The following SLC9C2 variants were observed in gnomAD, a reference collection of about 807,000 sequenced individuals.
SLC9C2 encodes the protein solute carrier family 9 member C2 (putative), also known as sodium/hydrogen exchanger 11.
In SLC9C2, 75 loss-of-function variants were observed where a neutral mutation model predicts 140.2. The ratio of observed to expected loss-of-function variants is 0.53; its 90% confidence interval spans 0.44 to 0.65. The LOEUF is 0.65. Ranked by LOEUF, SLC9C2 falls within the 30% of genes least tolerant of loss-of-function variation. The pLI, the probability that SLC9C2 is intolerant of heterozygous loss-of-function variation, is 0.00. For missense variants in SLC9C2, 1,074 were observed against 1,331.8 expected (o/e 0.81, Z 3.01); for synonymous variants, 375 against 420.9 (o/e 0.89, Z 1.34).
chr1:173,521,004 A>G (rs1457052330), intron 22 of SLC9C2, among the ~76,000 whole-genome samples: 1 of 152,168 alleles, frequency 6.6e-6, no homozygotes, highest in Non-Finnish European at 1.5e-5. Context: ...TATTTCCTTT[A>G]GGTGAGTAAT....
intron 11 of SLC9C2, among the ~76,000 whole-genome samples, chr1:173,553,440 G>A (rs1663458929): frequency 6.6e-6 from 1 of 152,208 alleles, no homozygotes; most frequent in Admixed American, 6.5e-5. Context: ...GAAAGGAAGA[G>A]TCAGTTGATG....
At chr1:173,559,511 A>G (rs1663952090) in intron 9 of SLC9C2, among the ~76,000 whole-genome samples, 1 of 152,192 alleles carries the variant, frequency 6.6e-6, no homozygotes, top group Non-Finnish European at 1.5e-5. Flanking sequence ...TCCTCTGCCA[A>G]CTAAATGACC....
At chr1:173,561,963 T>G (rs1186564247) in intron 9 of SLC9C2, among the ~76,000 whole-genome samples, 1 of 152,140 alleles carries the variant, frequency 6.6e-6, no homozygotes, top group African/African-American at 2.4e-5. Flanking sequence ...CCTGATTATA[T>G]GTAAACTAAA....
chr1:173,535,954 CAG>C lies in SLC9C2; in HGVS notation c.1656-7_1656-6del, dbSNP rs1661923195. 6.7e-7 allele frequency: 1 copy of C among 1,495,706 alleles called. No homozygotes were observed. The allele number at this position is 1,495,706 out of a possible 1,614,324, so 92.7% of individuals were successfully genotyped here. A position where few individuals can be genotyped will look rare whatever the true frequency, so the allele number is the denominator to read the frequency against. Reference sequence around the variant, plus strand: ...ACATCATAAATACTCATGAATCTAACAGAGAAAAATGTACATATGTGTTATAA... The same window carrying C: ...ACATCATAAATACTCATGAATCTAACAGAAAAATGTACATATGTGTTATAA... On this transcript the variant is annotated splice_region_variant and splice_polypyrimidine_tract_variant and intron_variant, in intron 14 of 27. Coordinates refer to ENST00000367714, the MANE Select transcript of SLC9C2 (RefSeq NM_178527.4).
rs1388308759 is a variant in SLC9C2, at chr1:173,533,748, T to G, written c.2024A>C (p.Glu675Ala). ...GATTCCAATAACCAGGATAAAAAAT[T>G]CCAAAGTATTCCAACATTGTTGAAA... ...KYFQQCWNTL[E>A]FFILVIGIID... Residue 675 changes from glutamate to alanine, a missense_variant, in exon 17 of 28, where the codon GAA (glutamate) becomes GCA (alanine). Transcript: ENST00000367714. 4 of 1,603,306 alleles carry G rather than the reference T, an allele frequency of 2.5e-6. No individual in the cohort carries two copies. The highest frequency in any genetic ancestry group is 3.4e-6 in the Non-Finnish European group (4 of 1,173,386).
rs1666805368 is a variant in SLC9C2, at chr1:173,601,873, A to T, written c.-79-18T>A. On this transcript the variant is annotated intron_variant, in intron 1 of 27. Transcript: ENST00000367714. ...ATGCTAACCTGTATAGCATGCAAAAAGAACATGAGACCTACCAAGATCCAA... is the reference window on the plus strand; with the variant it reads ...ATGCTAACCTGTATAGCATGCAAAATGAACATGAGACCTACCAAGATCCAA... The T allele has an allele frequency of 6.2e-6, 9 of 1,442,630 alleles. No homozygotes were observed. Among genetic ancestry groups the T allele is most frequent in the Non-Finnish European group, 8.5e-6 (9 of 1,063,508 alleles). The allele number at this position is 1,442,630 out of a possible 1,614,324, so 89.4% of individuals were successfully genotyped here.
rs1254067777 is a variant in SLC9C2 at position 173,501,083 on chromosome 1, G to T, written c.*11C>A. On this transcript the variant is annotated 3_prime_UTR_variant, in exon 28 of 28. Transcript: ENST00000367714. ...ATCATTAATACCCTTTTCTAAAATG[G>T]TATCCAGTTTTCAACTATAAAAGAA... 1.3e-6 allele frequency: 2 copies of T among 1,532,696 alleles called. No individual in the cohort carries two copies. The highest frequency in any genetic ancestry group is 1.8e-6 in the Non-Finnish European group (2 of 1,140,016). 94.9% of individuals were successfully genotyped at this position (1,532,696 alleles called of 1,614,324 possible).
intron 9 of SLC9C2, among the ~76,000 whole-genome samples, chr1:173,560,945 T>C (rs1664064972): frequency 6.6e-6 from 1 of 152,012 alleles, no homozygotes; most frequent in South Asian, 2.1e-4. Flanking sequence ...TACAGGCATG[T>C]GCAACCACGC....
At chr1:173,506,749 AG>A (rs1659668120) in intron 25 of SLC9C2, 106 bp downstream of exon 25, 7 of 880,958 alleles carry the variant, frequency 7.9e-6, no homozygotes, top group Non-Finnish European at 1.7e-6. Flanking sequence ...TAAGAACTAC[AG>A]GGTCATTCCA....
chr1:173,598,707 TG>T (rs1449201050), intron 3 of SLC9C2, among the ~76,000 whole-genome samples: 1 of 152,196 alleles, frequency 6.6e-6, no homozygotes, highest in African/African-American at 2.4e-5. Context: ...CTGCTTTCAA[TG>T]GGTTGCTGTG....
chr1:173,587,740 G>T lies in SLC9C2; in HGVS notation c.448C>A (p.Gln150Lys), dbSNP rs775666401. The T allele has an allele frequency of 9.3e-6, 15 of 1,613,222 alleles. No individual in the cohort carries two copies. The highest frequency in any genetic ancestry group is 1.3e-5 in the African/African-American group (1 of 74,886). ...IKFNKDSWDL[Q>K]SCLLFSITLG... ...GTGATGCTAAAGAGTAGGCAAGATTGCAAATCCCATGAATCTTTATTGAAT... is the reference window on the plus strand; with the variant it reads ...GTGATGCTAAAGAGTAGGCAAGATTTCAAATCCCATGAATCTTTATTGAAT... Residue 150 changes from glutamine (Q) to lysine (K), a missense_variant, in exon 5 of 28, where the codon CAA becomes AAA. Transcript: ENST00000367714.
At chr1:173,564,637 CT>C (rs200972272) in intron 9 of SLC9C2, among the ~76,000 whole-genome samples, 40,176 of 119,364 alleles carry the variant, frequency 0.34, 6,727 homozygotes, top group East Asian at 0.56. Flanking sequence ...TTTTCCTTTT[CT>C]TTTTTTTTTT....
intron 8 of SLC9C2, among the ~76,000 whole-genome samples, chr1:173,576,126 G>A (rs756160903): frequency 5.3e-5 from 8 of 152,058 alleles, no homozygotes; most frequent in Non-Finnish European, 8.8e-5. Context: ...TTTGGTATTC[G>A]ATAATTCTGA....
intron 14 of SLC9C2, 90 bp downstream of exon 14, chr1:173,536,852 C>A: frequency 1.1e-6 from 1 of 895,874 alleles, no homozygotes; most frequent in South Asian, 1.5e-5. Flanking sequence ...ATAGATTGAT[C>A]AATCAGGACA....
At chr1:173,521,631 A>C (rs2101947806) in intron 21 of SLC9C2, among the ~76,000 whole-genome samples, 1 of 151,414 alleles carries the variant, frequency 6.6e-6, no homozygotes, top group East Asian at 1.9e-4. Flanking sequence ...ATACCACATC[A>C]ACTTTTAGAA....
In SLC9C2 at chr1:173,548,485, T is replaced by C. The variant is rs758586787; in HGVS notation, c.1365A>G (p.Ile455Met). Residue 455 changes from isoleucine (I) to methionine (M), a missense_variant, in exon 12 of 28, where the codon ATA (isoleucine) becomes ATG (methionine). Coordinates refer to ENST00000367714, the MANE Select transcript of SLC9C2 (RefSeq NM_178527.4). ...LQNATQHIQE[I>M]VQNTITLFKT... ...TAAATAAAGTTATTGTGTTCTGTAC[T>C]ATCTCCTGTATGTGCTGAGTGGCAT... 28 of 1,613,844 alleles carry C rather than the reference T, an allele frequency of 1.7e-5. 1 individual carries two copies. The Middle Eastern group carries it at 3.3e-3, about 190-fold the overall frequency.
At chr1:173,594,180 C>T (rs1666322798) in intron 4 of SLC9C2, among the ~76,000 whole-genome samples, 1 of 152,128 alleles carries the variant, frequency 6.6e-6, no homozygotes, top group African/African-American at 2.4e-5. Flanking sequence ...GATGACTACT[C>T]ATAGACCTTT....
At chr1:173,546,362 A>G (rs895744913) in intron 13 of SLC9C2, among the ~76,000 whole-genome samples, 1 of 152,278 alleles carries the variant, frequency 6.6e-6, no homozygotes, top group South Asian at 2.1e-4. Flanking sequence ...CCAAAACCTC[A>G]TCTCTACTAA....
chr1:173,585,838 C>T (rs1665820113), intron 5 of SLC9C2, among the ~76,000 whole-genome samples: 1 of 152,002 alleles, frequency 6.6e-6, no homozygotes, highest in African/African-American at 2.4e-5. Context: ...CGTAGCAGCA[C>T]ATGGCTGTAA....
Sources: gnomAD v4.1 joint callset for allele counts (sites outside exome capture counted in the v4.1 genomes callset) on GRCh38, gnomAD v4.1.1 for gene constraint, MANE v1.5 for transcripts, NCBI Gene and HGNC (gene_info 2026-07-23, HGNC 2026-07-21) for gene names.